Variants in CAMTA1 observed in about 807,000 individuals in gnomAD.
CAMTA1 encodes calmodulin-binding transcription activator 1.
Under a neutral mutation model 170.9 loss-of-function variants are expected in CAMTA1, and 27 were observed. That is an observed-to-expected ratio of 0.16 (90% CI 0.12 to 0.22). The LOEUF (loss-of-function observed/expected upper bound fraction) is 0.22. CAMTA1 is among the 10% of genes least tolerant of loss of function. The pLI is 1.00. For synonymous variants in CAMTA1, 833 were observed against 891.5 expected (o/e 0.93, Z 1.17); for missense variants, 1,619 against 2,217.2 (o/e 0.73, Z 5.42).
chr1:6,832,089 AT>A (rs879893784), intron 3 of CAMTA1, among the ~76,000 whole-genome samples: 67 of 144,704 alleles, frequency 4.6e-4, no homozygotes, highest in Middle Eastern at 3.6e-3. Flanking sequence ...ATTTTTTTTT[AT>A]TTTTTTTTTT....
chr1:7,143,065 C>A (rs1645979900), intron 4 of CAMTA1, among the ~76,000 whole-genome samples: 1 of 152,180 alleles, frequency 6.6e-6, no homozygotes, highest in Admixed American at 6.5e-5. Flanking sequence ...AGACAGGCTG[C>A]TGGACTAAGT....
At chr1:7,451,980 C>T (rs1419927809) in intron 5 of CAMTA1, among the ~76,000 whole-genome samples, 3 of 152,200 alleles carry the variant, frequency 2.0e-5, no homozygotes, top group Non-Finnish European at 4.4e-5. Flanking sequence ...ATGGAGGGGA[C>T]ACAAGAGGCA....
intron 3 of CAMTA1, among the ~76,000 whole-genome samples, chr1:6,853,597 T>C (rs1182321563): frequency 6.6e-6 from 1 of 152,160 alleles, no homozygotes; most frequent in Non-Finnish European, 1.5e-5. Flanking sequence ...TCAGTAATTA[T>C]ATTAAATAAA....
rs114673335 is a variant in CAMTA1 at position 7,511,612 on chromosome 1, G to T, written c.510+43711G>T. 8.5e-3 allele frequency among the ~76,000 whole-genome samples: 1,297 copies of T among 152,244 alleles called. 8 individuals are homozygous for T. The highest frequency in any genetic ancestry group is 0.013 in the Non-Finnish European group (907 of 68,028). On this transcript the variant is annotated intron_variant, in intron 6 of 22. Coordinates refer to ENST00000303635, the MANE Select transcript of CAMTA1 (RefSeq NM_015215.4). ...CCCACATCCCGGGGTCCAGCAGAAG[G>T]GAAGGAAGCCATCTGGAGTTCTGGA...
intron 6 of CAMTA1, among the ~76,000 whole-genome samples, chr1:7,506,585 TCA>T (rs1354937506): frequency 1.3e-5 from 2 of 151,688 alleles, no homozygotes; most frequent in Non-Finnish European, 2.9e-5. Context: ...ACACGCACAC[TCA>T]CACGCTCACA....
At chr1:7,509,925 C>T (rs141005580) in intron 6 of CAMTA1, among the ~76,000 whole-genome samples, 3 of 151,584 alleles carry the variant, frequency 2.0e-5, no homozygotes, top group Non-Finnish European at 2.9e-5. Context: ...AGCAGCCCAG[C>T]GACCAAGGGG....
At chr1:6,828,917 G>C (rs1278720055) in intron 3 of CAMTA1, among the ~76,000 whole-genome samples, 2 of 121,514 alleles carry the variant, frequency 1.6e-5, no homozygotes, top group Non-Finnish European at 3.3e-5. Flanking sequence ...TTTTTTTGGA[G>C]ACAGAGTCTC....
chr1:7,215,332 G>C (rs1659562137), intron 4 of CAMTA1, among the ~76,000 whole-genome samples: 1 of 152,102 alleles, frequency 6.6e-6, no homozygotes, highest in South Asian at 2.1e-4. Context: ...AATGAAAAAG[G>C]CTATGAATAT....
intron 6 of CAMTA1, among the ~76,000 whole-genome samples, chr1:7,472,947 T>A (rs985516376): frequency 6.6e-6 from 1 of 152,156 alleles, no homozygotes; most frequent in African/African-American, 2.4e-5. Context: ...AAGTTGCCTT[T>A]ACCTGGGACT....
chr1:7,127,599 T>C (rs1246221804), intron 4 of CAMTA1, among the ~76,000 whole-genome samples: 1 of 152,188 alleles, frequency 6.6e-6, no homozygotes, highest in Admixed American at 6.5e-5. Context: ...CCGTCATTCA[T>C]TCACCCAGTG....
chr1:7,218,284 C>G (rs1240895071), intron 4 of CAMTA1, among the ~76,000 whole-genome samples: 1 of 152,180 alleles, frequency 6.6e-6, no homozygotes, highest in Non-Finnish European at 1.5e-5. Context: ...ACAGTTCCTC[C>G]CCCTCCACCT....
At chr1:7,391,533 T>C (rs2088716838) in intron 5 of CAMTA1, among the ~76,000 whole-genome samples, 1 of 152,182 alleles carries the variant, frequency 6.6e-6, no homozygotes, top group Non-Finnish European at 1.5e-5. Context: ...ATTCCGACTT[T>C]CTGTGGCCAT....
intron 3 of CAMTA1, among the ~76,000 whole-genome samples, chr1:6,952,782 C>A (rs531186598): frequency 1.3e-5 from 2 of 151,968 alleles, no homozygotes; most frequent in Non-Finnish European, 2.9e-5. Flanking sequence ...AGCAGTGAGC[C>A]GAGATAACGC....
intron 3 of CAMTA1, among the ~76,000 whole-genome samples, chr1:6,969,281 G>C (rs1402097545): frequency 6.6e-6 from 1 of 152,212 alleles, no homozygotes; most frequent in Admixed American, 6.5e-5. Context: ...GGAAGGAGGT[G>C]GTGTTTGTGG....
intron 3 of CAMTA1, among the ~76,000 whole-genome samples, chr1:7,077,602 T>TAAGATAGGGAA: frequency 6.6e-6 from 1 of 152,156 alleles, no homozygotes; most frequent in African/African-American, 2.4e-5. Context: ...TAGGAGGTTT[T>TAAGATAGGGAA]GATCAATGGT....
intron 7 of CAMTA1, among the ~76,000 whole-genome samples, chr1:7,654,859 T>A (rs1459928927): frequency 1.7e-5 from 2 of 115,786 alleles, no homozygotes; most frequent in African/African-American, 7.0e-5. Context: ...CCTGTACACA[T>A]ACCCACCTAT....
At chr1:7,638,635 C>T (rs942426283) in intron 6 of CAMTA1, among the ~76,000 whole-genome samples, 2 of 151,802 alleles carry the variant, frequency 1.3e-5, no homozygotes, top group South Asian at 4.1e-4. Context: ...CAGCAAGACC[C>T]TGTCTAAAGG....
intron 4 of CAMTA1, among the ~76,000 whole-genome samples, chr1:7,141,806 A>ACTCT (rs2148620051): frequency 1.3e-5 from 2 of 152,342 alleles, no homozygotes; most frequent in African/African-American, 4.8e-5. Flanking sequence ...CAGAAGGATG[A>ACTCT]GAGACAGGCA....
At chr1:7,155,225 CG>C (rs957272381) in intron 4 of CAMTA1, among the ~76,000 whole-genome samples, 1 of 151,816 alleles carries the variant, frequency 6.6e-6, no homozygotes, top group African/African-American at 2.4e-5. Context: ...AAGGTGGCCT[CG>C]GGGGGAAGGG....
Sources: allele counts gnomAD v4.1 joint callset (sites outside exome capture counted in the v4.1 genomes callset), GRCh38; gene constraint gnomAD v4.1.1; transcripts MANE v1.5; gene names NCBI Gene and HGNC (gene_info 2026-07-23, HGNC 2026-07-21).